TTLL8: variants seen among roughly 807,000 people sequenced by gnomAD.
The protein encoded by TTLL8 is tubulin tyrosine ligase like 8.
In TTLL8, 65 loss-of-function variants were observed where a neutral mutation model predicts 77.8. That is an observed-to-expected ratio of 0.84 (90% CI 0.68 to 1.03). TTLL8 has a LOEUF of 1.03. Among genes scored for constraint, TTLL8 ranks in the 50% least tolerant of loss-of-function variants. The pLI is 0.00. For missense variants in TTLL8, 910 were observed against 1,004.5 expected, an observed-to-expected ratio of 0.91 and a Z score of 1.27; for synonymous variants, 402 against 422.8, an observed-to-expected ratio of 0.95 and a Z score of 0.60.
rs373634837 is a variant in TTLL8 at position 50,041,610 on chromosome 22, G to A, written c.830+11C>T. The A allele has an allele frequency of 1.9e-5, 26 of 1,346,928 alleles. No individual in the cohort carries two copies. The African/African-American group carries it at 1.9e-4, about 10-fold the overall frequency. 83.4% of individuals were successfully genotyped at this position (1,346,928 alleles called of 1,614,324 possible). A position where few individuals can be genotyped will look rare whatever the true frequency, so the allele number is the denominator to read the frequency against. On this transcript the variant is annotated intron_variant, in intron 7 of 13. Coordinates refer to ENST00000266182, the Ensembl canonical transcript of TTLL8. This position sits in a 1 kb window ranked among gnomAD's most constrained non-coding sequence, Gnocchi z 4.3. ...GCTCCGACATGTGCCAGGGGCCTGCGTAAGTCTTACTGAACGAGGGAGTAG... is the reference window on the plus strand; with the variant it reads ...GCTCCGACATGTGCCAGGGGCCTGCATAAGTCTTACTGAACGAGGGAGTAG...
chr22:50,036,901 GTCTGGCTT>G (rs1379422956), intron 8 of TTLL8, among the ~76,000 whole-genome samples: 2 of 151,898 alleles, frequency 1.3e-5, no homozygotes, highest in African/African-American at 4.8e-5. Context: ...CCCAGCCAGT[GTCTGGCTT>G]CCTTCGACCT....
chr22:50,049,441 A>C, intron 2 of TTLL8, 119 bp from the exon 5 acceptor site: 1 of 1,101,494 alleles, frequency 9.1e-7, no homozygotes, highest in Non-Finnish European at 1.2e-6. Context: ...CTGGCTCCAG[A>C]TGGGGCCTTC....
intron 6 of TTLL8, 60 bp downstream of exon 8, chr22:50,045,195 G>A (rs1384838348): frequency 1.5e-6 from 2 of 1,304,840 alleles, no homozygotes; most frequent in South Asian, 1.2e-5. Flanking sequence ...AGGCGGGAGG[G>A]CCCCTGTGGA....
At chr22:50,020,453 C>A (rs1438729352) in intron 12 of TTLL8, among the ~76,000 whole-genome samples, 1 of 147,752 alleles carries the variant, frequency 6.8e-6, no homozygotes, top group Non-Finnish European at 1.5e-5. Flanking sequence ...TGACGAAATG[C>A]ACTCCTCCAT....
chr22:50,034,179 G>A lies in TTLL8; in HGVS notation c.1039+166C>T, dbSNP rs1448822478. ...AACACATGCTGTGAAGACGCCTCCA[G>A]CTCTGCTCCAGCGCCTGAGTCCTGA... On this transcript the variant is annotated intron_variant, in intron 9 of 13. Transcript: ENST00000266182. The surrounding 1 kb of genome is among the most constrained non-coding windows in gnomAD (Gnocchi z 4.1). 1 of 654,480 alleles carries A rather than the reference G, an allele frequency of 1.5e-6. No individual in the cohort carries two copies. The highest frequency in any genetic ancestry group is 1.9e-6 in the Non-Finnish European group (1 of 527,826). 40.5% of individuals were successfully genotyped at this position (654,480 alleles called of 1,614,324 possible). A position where few individuals can be genotyped will look rare whatever the true frequency, so the allele number is the denominator to read the frequency against.
chr22:50,032,802 G>T (rs1207442857), intron 10 of TTLL8, among the ~76,000 whole-genome samples: 1 of 152,162 alleles, frequency 6.6e-6, no homozygotes, highest in East Asian at 1.9e-4. Context: ...CGGGGACCCG[G>T]GTGAGGTGGG....
chr22:50,027,544 A>C (rs2061237954), intron 12 of TTLL8: 1 of 889,068 alleles, frequency 1.1e-6, no homozygotes, highest in African/African-American at 1.8e-5. Context: ...AAAAAAAAAA[A>C]AAAAAAAGGA....
intron 12 of TTLL8, among the ~76,000 whole-genome samples, chr22:50,022,463 C>G (rs1304766175): frequency 7.0e-6 from 1 of 142,660 alleles, no homozygotes; most frequent in Non-Finnish European, 1.5e-5. Flanking sequence ...GTGTACTCCT[C>G]CATCTGACGT....
At chr22:50,022,049 C>G (rs1002731489) in intron 12 of TTLL8, among the ~76,000 whole-genome samples, 1 of 149,870 alleles carries the variant, frequency 6.7e-6, no homozygotes, top group African/African-American at 2.5e-5. Context: ...ACTCCTCCAT[C>G]TGATGATGTG....
In TTLL8 at chr22:50,034,409, G is replaced by A. The variant is rs76786083; in HGVS notation, c.975C>T (p.Asp325=). 7.4e-3 allele frequency: 10,103 copies of A among 1,367,264 alleles called. 50 individuals carry two copies. The highest frequency in any genetic ancestry group is 8.2e-3 in the Non-Finnish European group (8,374 of 1,021,822). The allele number at this position is 1,367,264 out of a possible 1,614,324, so 84.7% of individuals were successfully genotyped here. The stretch of plus-strand genomic sequence containing the variant: ...TTATAATCCAGATGTTCCGGAGCCC[G>A]TCAATGTCCGTCTGAGGGTTCACAG... The change falls in exon 9 of 14, where the codon GAC becomes GAT. Residue 325 remains aspartate (D), a synonymous_variant. Coordinates refer to ENST00000266182, the Ensembl canonical transcript of TTLL8. This position sits in a 1 kb window ranked among gnomAD's most constrained non-coding sequence, Gnocchi z 4.1.
At chr22:50,046,972 A>T (rs1265186580) in intron 4 of TTLL8, 196 bp downstream of exon 6, 4 of 622,386 alleles carry the variant, frequency 6.4e-6, no homozygotes, top group Non-Finnish European at 8.0e-6. Flanking sequence ...AGAGACACAG[A>T]GCAAAGGGCA....
intron 12 of TTLL8, among the ~76,000 whole-genome samples, chr22:50,027,891 A>T (rs1244026026): frequency 6.6e-6 from 1 of 152,250 alleles, no homozygotes; most frequent in Non-Finnish European, 1.5e-5. Flanking sequence ...AAACGCTCGT[A>T]CGCACGGGTT....
Position 50,034,105 on chromosome 22 carries a change from G to C in TTLL8, c.1039+240C>G, listed in dbSNP as rs2061318318. Among the ~76,000 whole-genome samples the C allele has an allele frequency of 6.6e-6, 1 of 152,194 alleles. No individual in the cohort carries two copies. The highest frequency in any genetic ancestry group is 2.1e-4 in the South Asian group (1 of 4,834). Reference sequence around the variant, plus strand: ...GCATAGACCAGTTTGTGAATACAAAGGAGGAAATCCTGATTAACCCATCAA... The same window carrying C: ...GCATAGACCAGTTTGTGAATACAAACGAGGAAATCCTGATTAACCCATCAA... On this transcript the variant is annotated intron_variant, in intron 9 of 13. Coordinates refer to ENST00000266182, the Ensembl canonical transcript of TTLL8. This position sits in a 1 kb window ranked among gnomAD's most constrained non-coding sequence, Gnocchi z 4.1.
intron 12 of TTLL8, among the ~76,000 whole-genome samples, chr22:50,025,531 C>A (rs565683847): frequency 2.6e-5 from 4 of 152,052 alleles, no homozygotes; most frequent in African/African-American, 9.7e-5. Context: ...CCCAGCTACT[C>A]GGGAGGCTGA....
At chr22:50,033,254 C>G (rs370489340) in exon 10 of TTLL8, 4 of 1,359,498 alleles carry the variant, frequency 2.9e-6, no homozygotes, top group Non-Finnish European at 3.9e-6. Flanking sequence ...AAGTAACTCT[C>G]CTTGTAGAAC....
chr22:50,047,813 C>T (rs1287876327), intron 3 of TTLL8, among the ~76,000 whole-genome samples: 4 of 152,182 alleles, frequency 2.6e-5, no homozygotes, highest in Non-Finnish European at 5.9e-5. Flanking sequence ...AAAATTCCAA[C>T]CAGGCTGGGT....
chr22:50,049,188 G>C, intron 3 of TTLL8, 61 bp downstream of exon 5: 2 of 1,365,324 alleles, frequency 1.5e-6, no homozygotes, highest in Non-Finnish European at 2.0e-6. Context: ...ACGGAGCAGG[G>C]CGACGGTGTG....
chr22:50,049,466 G>T, intron 2 of TTLL8, 144 bp from the exon 5 acceptor site: 2 of 860,604 alleles, frequency 2.3e-6, no homozygotes, highest in South Asian at 3.0e-5. Flanking sequence ...GGTGGAGCAG[G>T]AGCCTCTGTG....
intron 6 of TTLL8, 31 bp downstream of exon 8, chr22:50,045,224 C>T (rs1226082931): frequency 7.5e-7 from 1 of 1,341,552 alleles, no homozygotes; most frequent in African/African-American, 1.5e-5. Flanking sequence ...GCTCTGGTGG[C>T]CTGGCACTGC....
Sources: gnomAD v4.1 joint callset for allele counts (sites outside exome capture counted in the v4.1 genomes callset) on GRCh38, gnomAD v4.1.1 for gene constraint, Gnocchi (gnomAD v3.1) non-coding constraint, MANE v1.5 for transcripts, NCBI Gene and HGNC (gene_info 2026-07-23, HGNC 2026-07-21) for gene names.